The following NRXN3 variants were observed in gnomAD, a reference collection of about 807,000 sequenced individuals.
NRXN3 encodes the protein neurexin 3, also known as neurexin III.
Under a neutral mutation model 137.6 loss-of-function variants are expected in NRXN3, and 32 were observed. The observed-to-expected ratio is 0.23, with a 90% CI of 0.18 to 0.31. NRXN3 has a LOEUF of 0.31. NRXN3 is among the 10% of genes least tolerant of loss of function. The pLI is 1.00. For synonymous variants in NRXN3, 798 were observed against 784.5 expected, an observed-to-expected ratio of 1.02 and a Z score of -0.29; for missense variants, 1,574 against 2,062.5, an observed-to-expected ratio of 0.76 and a Z score of 4.59.
chr14:78,586,851 C>G (rs1234978796), intron 4 of NRXN3, among the ~76,000 whole-genome samples: 2 of 152,242 alleles, frequency 1.3e-5, no homozygotes, highest in Non-Finnish European at 2.9e-5. Context: ...CTAATGTCAA[C>G]ACATTTTGTG....
chr14:79,777,659 C>T (rs8014892), intron 19 of NRXN3, among the ~76,000 whole-genome samples: 97,548 of 151,656 alleles, frequency 0.64, 32,577 homozygotes, highest in African/African-American at 0.8. Context: ...TTTATTTATT[C>T]ACAAACACTG....
intron 15 of NRXN3, among the ~76,000 whole-genome samples, chr14:79,372,998 T>G (rs2094155976): frequency 6.6e-6 from 1 of 152,114 alleles, no homozygotes; most frequent in South Asian, 2.1e-4. Flanking sequence ...TTTACTTCAT[T>G]TTAAATAAAT....
At chr14:78,939,768 C>T (rs2099349432) in intron 10 of NRXN3, among the ~76,000 whole-genome samples, 1 of 152,238 alleles carries the variant, frequency 6.6e-6, no homozygotes, top group Admixed American at 6.5e-5. Flanking sequence ...AAGGTTTACT[C>T]TGTACTTTCA....
chr14:79,780,580 G>A (rs1603485561), intron 19 of NRXN3, among the ~76,000 whole-genome samples: 1 of 152,260 alleles, frequency 6.6e-6, no homozygotes, highest in East Asian at 1.9e-4. Flanking sequence ...CTGCACTCCA[G>A]CCTGGGCGAC....
At chr14:79,202,277 C>A (rs2066147888) in intron 15 of NRXN3, among the ~76,000 whole-genome samples, 1 of 151,982 alleles carries the variant, frequency 6.6e-6, no homozygotes, top group African/African-American at 2.4e-5. Context: ...TGATTGCTCT[C>A]ATATTGTCTT....
At chr14:79,387,355 C>G (rs1414663443) in intron 15 of NRXN3, among the ~76,000 whole-genome samples, 2 of 152,110 alleles carry the variant, frequency 1.3e-5, no homozygotes, top group Non-Finnish European at 2.9e-5. Context: ...TGAAAAAATG[C>G]TCATCATCAC....
In NRXN3 at chr14:79,861,716, C is replaced by T. The variant is rs773770813; in HGVS notation, c.4468C>T (p.Arg1490Trp). The change falls in exon 21 of 21, where the codon CGG (arginine) becomes TGG (tryptophan). Residue 1490 changes from arginine to tryptophan, a missense_variant. Arg to Trp is a moderately radical substitution (Grantham distance 101). Transcript: ENST00000335750. This position sits in a 1 kb window ranked among gnomAD's most constrained non-coding sequence, Gnocchi z 5.4. ...GGTTCCGGGGGCCTCAGAGGTGATC[C>T]GGGAGTCGAGCAGCACAACAGGGAT... ...RRVPGASEVIRESSSTTGMVV... is the reference protein window; with the variant it reads ...RRVPGASEVIWESSSTTGMVV... The T allele has an allele frequency of 1.9e-6, 3 of 1,614,076 alleles. No individual in the cohort carries two copies. Among genetic ancestry groups the T allele is most frequent in the Non-Finnish European group, 1.7e-6 (2 of 1,180,012 alleles).
intron 20 of NRXN3, among the ~76,000 whole-genome samples, chr14:79,827,557 T>G (rs933011219): frequency 1.3e-5 from 2 of 152,132 alleles, no homozygotes; most frequent in African/African-American, 4.8e-5. Flanking sequence ...CTCAGAGTTC[T>G]GCAGGCTATA....
chr14:78,475,628 C>T (rs191267881), intron 4 of NRXN3, among the ~76,000 whole-genome samples: 6 of 152,226 alleles, frequency 3.9e-5, no homozygotes, highest in Admixed American at 2.0e-4. Context: ...TACAAATTAC[C>T]GCTGACAAAT....
At chr14:78,818,184 TAC>T (rs1011499390) in intron 10 of NRXN3, among the ~76,000 whole-genome samples, 3 of 151,890 alleles carry the variant, frequency 2.0e-5, no homozygotes, top group Admixed American at 1.3e-4. Context: ...GAGGTATGTA[TAC>T]ACACACCTGC....
Position 78,526,780 on chromosome 14 carries a change from A to G in NRXN3, c.758-118340A>G, listed in dbSNP as rs781172818. The G allele has an allele frequency of 3.1e-5, 16 of 517,450 alleles. No homozygotes were observed. In the Admixed American group the frequency reaches 3.1e-4, roughly 10 times the overall value. 32.1% of individuals were successfully genotyped at this position (517,450 alleles called of 1,614,324 possible). ...TTTATAGACAGGAAAGCTGAGTTGG[A>G]CTAAGTGAAATAAACAGCGATGAAT... On this transcript the variant is annotated intron_variant, in intron 4 of 20. Transcript: ENST00000335750.
At chr14:78,461,855 C>A (rs776497022) in intron 4 of NRXN3, among the ~76,000 whole-genome samples, 1 of 152,118 alleles carries the variant, frequency 6.6e-6, no homozygotes, top group African/African-American at 2.4e-5. Context: ...TTGAAGTGTA[C>A]CTTTCCAGAC....
chr14:79,472,976 T>C (rs1383352403), intron 16 of NRXN3, among the ~76,000 whole-genome samples: 1 of 152,218 alleles, frequency 6.6e-6, no homozygotes, highest in Non-Finnish European at 1.5e-5. Context: ...AATTTCTTTC[T>C]CTCTGTATGT....
At chr14:79,615,984 A>G (rs1020320657) in intron 16 of NRXN3, among the ~76,000 whole-genome samples, 2 of 152,184 alleles carry the variant, frequency 1.3e-5, no homozygotes, top group African/African-American at 2.4e-5. Context: ...TAAGTAAGAG[A>G]GCAAGAATTC....
chr14:78,252,476 C>T (rs1011847853), intron 2 of NRXN3, among the ~76,000 whole-genome samples: 4 of 152,098 alleles, frequency 2.6e-5, no homozygotes, highest in African/African-American at 9.7e-5. Context: ...TATTTAAGTA[C>T]GGTGTCTTTG....
At chr14:79,724,249 ATGT>A (rs1403010427) in intron 19 of NRXN3, among the ~76,000 whole-genome samples, 6 of 152,104 alleles carry the variant, frequency 3.9e-5, no homozygotes, top group Admixed American at 3.3e-4. Context: ...TGCCAAAAAG[ATGT>A]CCCTGATGCA....
chr14:78,684,736 G>A (rs1462491493), intron 6 of NRXN3, among the ~76,000 whole-genome samples: 1 of 152,226 alleles, frequency 6.6e-6, no homozygotes, highest in Non-Finnish European at 1.5e-5. Flanking sequence ...CGAGGCTGCA[G>A]TGACCCATGA....
intron 15 of NRXN3, among the ~76,000 whole-genome samples, chr14:79,257,388 ATGG>A (rs1555899794): frequency 1.6e-4 from 5 of 31,454 alleles, no homozygotes; most frequent in Non-Finnish European, 2.3e-4. Context: ...GGTGGTGGTG[ATGG>A]TGGTGGTGGT....
intron 9 of NRXN3, among the ~76,000 whole-genome samples, chr14:78,809,840 A>G (rs2098899961): frequency 6.6e-6 from 1 of 152,186 alleles, no homozygotes; most frequent in Non-Finnish European, 1.5e-5. Context: ...TCTTTGGAAT[A>G]CTAATACAAA....
Sources: allele counts gnomAD v4.1 joint callset (sites outside exome capture counted in the v4.1 genomes callset), GRCh38; gene constraint gnomAD v4.1.1; non-coding constraint Gnocchi (gnomAD v3.1); transcripts MANE v1.5; gene names NCBI Gene and HGNC (gene_info 2026-07-23, HGNC 2026-07-21).